The following UNC13C variants were observed in gnomAD, a reference collection of about 807,000 sequenced individuals.
The protein encoded by UNC13C is unc-13 homolog C.
UNC13C carries 174 observed loss-of-function variants against 245.4 expected under a neutral mutation model. The ratio of observed to expected loss-of-function variants is 0.71; its 90% CI spans 0.63 to 0.80. The LOEUF (loss-of-function observed/expected upper bound fraction) is 0.80. UNC13C is among the 30% of genes least tolerant of loss of function. UNC13C has a pLI of 0.00. For missense variants in UNC13C, 2,829 were observed against 2,602.9 expected (o/e 1.09, Z -1.89); for synonymous variants, 992 against 895.1 (o/e 1.11, Z -1.93).
At chr15:54,256,991 T>C (rs1205941701) in intron 8 of UNC13C, among the ~76,000 whole-genome samples, 2 of 152,202 alleles carry the variant, frequency 1.3e-5, no homozygotes, top group African/African-American at 2.4e-5. Context: ...GAAAGAACAA[T>C]GTAGCCTAGC....
chr15:54,418,126 A>G (rs565885088), intron 19 of UNC13C, among the ~76,000 whole-genome samples: 1 of 152,224 alleles, frequency 6.6e-6, no homozygotes, highest in South Asian at 2.1e-4. Flanking sequence ...TATTTGCACA[A>G]CAGAATAGTA....
At chr15:54,237,583 C>A (rs765389537) in intron 6 of UNC13C, 36 bp from the exon 7 acceptor site, 4 of 1,534,802 alleles carry the variant, frequency 2.6e-6, no homozygotes, top group Non-Finnish European at 3.6e-6. Flanking sequence ...GTCAACCTCC[C>A]TATGTATTAA....
chr15:54,051,532 T>G (rs1214801491), intron 2 of UNC13C, among the ~76,000 whole-genome samples: 1 of 152,182 alleles, frequency 6.6e-6, no homozygotes, highest in Non-Finnish European at 1.5e-5. Context: ...TTAGTACATA[T>G]TTCAGTATCT....
At chr15:53,959,434 C>T in the UNC13C span, among the ~76,000 whole-genome samples, 1 of 152,092 alleles carries the variant, frequency 6.6e-6, no homozygotes, top group African/African-American at 2.4e-5. Flanking sequence ...CTCCTTTCTC[C>T]ATATCCTCAC....
At chr15:53,861,744 C>T in the UNC13C span, among the ~76,000 whole-genome samples, 8 of 152,196 alleles carry the variant, frequency 5.3e-5, no homozygotes, top group African/African-American at 1.9e-4. Flanking sequence ...GCTTGGCCTT[C>T]ATTACCTCTC....
At chr15:54,383,564 C>G (rs1172687319) in intron 17 of UNC13C, among the ~76,000 whole-genome samples, 1 of 152,012 alleles carries the variant, frequency 6.6e-6, no homozygotes, top group African/African-American at 2.4e-5. Flanking sequence ...TAACATCATA[C>G]TGAAGGGGGA....
At chr15:54,176,139 G>T (rs2033605338) in intron 4 of UNC13C, among the ~76,000 whole-genome samples, 1 of 151,938 alleles carries the variant, frequency 6.6e-6, no homozygotes, top group Non-Finnish European at 1.5e-5. Flanking sequence ...AAAAGAATCT[G>T]GAAGCACAGT....
chr15:53,865,677 G>T, the UNC13C span, among the ~76,000 whole-genome samples: 112 of 152,130 alleles, frequency 7.4e-4, no homozygotes, highest in Middle Eastern at 3.4e-3. Context: ...AATGCTGAAG[G>T]CTTCAGTATT....
chr15:54,598,878 G>A (rs769453565), intron 30 of UNC13C, among the ~76,000 whole-genome samples: 28 of 152,090 alleles, frequency 1.8e-4, no homozygotes, highest in Non-Finnish European at 2.4e-4. Context: ...ACAAGAGTTT[G>A]TTTTCCTTCA....
chr15:54,022,191 G>A (rs186731253), intron 2 of UNC13C, among the ~76,000 whole-genome samples: 24 of 152,258 alleles, frequency 1.6e-4, no homozygotes, highest in African/African-American at 3.4e-4. Flanking sequence ...GCTAATATAC[G>A]TTCCTACCAA....
intron 19 of UNC13C, among the ~76,000 whole-genome samples, chr15:54,457,855 T>C (rs1469524385): frequency 6.6e-6 from 1 of 151,806 alleles, no homozygotes; most frequent in Admixed American, 6.6e-5. Context: ...TTTTCTATTT[T>C]TTTGTTTCAA....
At chr15:54,416,463 T>C (rs1325542089) in intron 19 of UNC13C, among the ~76,000 whole-genome samples, 1 of 152,134 alleles carries the variant, frequency 6.6e-6, no homozygotes, top group African/African-American at 2.4e-5. Flanking sequence ...CCAGAACTGC[T>C]CAGAGGTACA....
chr15:53,972,834 C>CAAT, the UNC13C span: 3 of 152,070 alleles, frequency 2.0e-5, no homozygotes, highest in African/African-American at 7.2e-5. Context: ...AAGAAAAACC[C>CAAT]AATGATCATT....
At chr15:54,590,241 C>G (rs976235844) in intron 30 of UNC13C, among the ~76,000 whole-genome samples, 1 of 152,108 alleles carries the variant, frequency 6.6e-6, no homozygotes, top group Non-Finnish European at 1.5e-5. Context: ...CAGATTTGTT[C>G]TTTTTCCTTA....
In UNC13C at chr15:54,455,173, C is replaced by CTCTCTCTCTCTCTCTCTA. The variant is rs1567288747; in HGVS notation, c.4934-39418_4934-39417insATCTCTCTCTCTCTCTCT. Among the ~76,000 whole-genome samples the CTCTCTCTCTCTCTCTCTA allele has an allele frequency of 3.1e-3, 90 of 29,258 alleles. 10 individuals are homozygous for CTCTCTCTCTCTCTCTCTA. The highest frequency in any genetic ancestry group is 5.6e-3 in the African/African-American group (49 of 8,716). 19.2% of individuals were successfully genotyped at this position (29,258 alleles called of 152,430 possible). A position where few individuals can be genotyped will look rare whatever the true frequency, so the allele number is the denominator to read the frequency against. ...ATGGCTGAGTCATATTCCTCTCTCT[C>CTCTCTCTCTCTCTCTCTA]TCTCTCTCTCTCTCTCTCTCTCTCT... On this transcript the variant is annotated intron_variant, in intron 19 of 32. Transcript: ENST00000260323.
the UNC13C span, among the ~76,000 whole-genome samples, chr15:53,951,527 C>G: frequency 6.6e-6 from 1 of 152,222 alleles, no homozygotes; most frequent in Non-Finnish European, 1.5e-5. Flanking sequence ...CGGTAAATCA[C>G]ATGGCCACCC....
At chr15:54,410,950 A>G (rs552095082) in intron 18 of UNC13C, among the ~76,000 whole-genome samples, 13 of 152,302 alleles carry the variant, frequency 8.5e-5, no homozygotes, top group African/African-American at 2.9e-4. Flanking sequence ...CTCAAAAGCA[A>G]TGTGTCAGAG....
chr15:54,536,942 A>C (rs1015861524), intron 26 of UNC13C, among the ~76,000 whole-genome samples: 1 of 152,136 alleles, frequency 6.6e-6, no homozygotes, highest in Non-Finnish European at 1.5e-5. Context: ...GCTCACTCTC[A>C]CTACTCCTAT....
chr15:54,192,965 A>G (rs1407816109), intron 4 of UNC13C, among the ~76,000 whole-genome samples: 1 of 151,956 alleles, frequency 6.6e-6, no homozygotes, highest in Non-Finnish European at 1.5e-5. Flanking sequence ...AGTGAGATTT[A>G]TTTTTATTCA....
Sources: gnomAD v4.1 joint callset for allele counts (sites outside exome capture counted in the v4.1 genomes callset) on GRCh38, gnomAD v4.1.1 for gene constraint, MANE v1.5 for transcripts, NCBI Gene and HGNC (gene_info 2026-07-23, HGNC 2026-07-21) for gene names.